Variants in AGBL4 observed in about 807,000 individuals in gnomAD.
AGBL4 encodes the protein AGBL carboxypeptidase 4.
AGBL4 carries 58 observed loss-of-function variants against 66.4 expected under a neutral mutation model. That is an observed-to-expected ratio of 0.87 (90% CI 0.71 to 1.09). The LOEUF is 1.09. Ranked by LOEUF, AGBL4 falls within the 50% of genes least tolerant of loss-of-function variation. The pLI is 0.00. For missense variants in AGBL4, 579 were observed against 631.0 expected (o/e 0.92, Z 0.88); for synonymous variants, 234 against 222.9 (o/e 1.05, Z -0.44).
At chr1:48,683,122 T>A (rs1262878187) in intron 6 of AGBL4, among the ~76,000 whole-genome samples, 1 of 152,218 alleles carries the variant, frequency 6.6e-6, no homozygotes, top group African/African-American at 2.4e-5. Flanking sequence ...AACTTCAGTT[T>A]CCTGCCTACA....
chr1:48,974,530 T>C (rs1362112951), intron 5 of AGBL4, among the ~76,000 whole-genome samples: 1 of 152,148 alleles, frequency 6.6e-6, no homozygotes, highest in African/African-American at 2.4e-5. Context: ...ATCCTAAATT[T>C]CATCCACAAA....
In AGBL4 at chr1:48,587,169, G is replaced by C; in HGVS notation, c.1105-3C>G. The C allele has an allele frequency of 1.9e-6, 3 of 1,549,928 alleles. No homozygotes were observed. The highest frequency in any genetic ancestry group is 2.6e-6 in the Non-Finnish European group (3 of 1,146,320). ...TCCCGGTTAAAGGATGTGCTGGACT[G>C]TGAAAGACAGAGTAGGGAGGAGAGA... On this transcript the variant is annotated splice_polypyrimidine_tract_variant and splice_region_variant and intron_variant, in intron 10 of 13. Transcript: ENST00000371839.
At chr1:49,870,684 A>G (rs1293912259) in intron 1 of AGBL4, among the ~76,000 whole-genome samples, 1 of 152,102 alleles carries the variant, frequency 6.6e-6, no homozygotes, top group Non-Finnish European at 1.5e-5. Context: ...AGATTTGAAT[A>G]AGTGTTTCTC....
At chr1:48,833,993 G>A (rs1646618460) in intron 6 of AGBL4, among the ~76,000 whole-genome samples, 1 of 152,072 alleles carries the variant, frequency 6.6e-6, no homozygotes, top group Non-Finnish European at 1.5e-5. Flanking sequence ...AGTACCTTAG[G>A]GGCAGAGCAT....
chr1:48,997,446 C>T (rs1433929104), intron 5 of AGBL4, among the ~76,000 whole-genome samples: 1 of 152,094 alleles, frequency 6.6e-6, no homozygotes, highest in Non-Finnish European at 1.5e-5. Flanking sequence ...GAGATAAAGT[C>T]ACTAGCTAAG....
chr1:49,421,977 G>GTTAC (rs1645556009), intron 3 of AGBL4, among the ~76,000 whole-genome samples: 1 of 152,112 alleles, frequency 6.6e-6, no homozygotes, highest in Non-Finnish European at 1.5e-5. Context: ...TCCAAGAAAT[G>GTTAC]TGTCTTTCAT....
intron 2 of AGBL4, among the ~76,000 whole-genome samples, chr1:49,748,821 G>A (rs545247332): frequency 1.2e-4 from 18 of 152,154 alleles, no homozygotes; most frequent in East Asian, 1.9e-4. Flanking sequence ...AGAAGTGTCC[G>A]TTCATATCCT....
chr1:49,130,152 G>A (rs1488867868), intron 4 of AGBL4, among the ~76,000 whole-genome samples: 1 of 152,076 alleles, frequency 6.6e-6, no homozygotes, highest in Non-Finnish European at 1.5e-5. Context: ...CCCACTTTTT[G>A]ATGGGGTTGT....
At chr1:49,051,325 G>A (rs1571328410) in intron 4 of AGBL4, among the ~76,000 whole-genome samples, 3 of 152,192 alleles carry the variant, frequency 2.0e-5, no homozygotes, top group Admixed American at 1.3e-4. Flanking sequence ...CTTGCTATCC[G>A]TTTGATGCAC....
At chr1:49,892,121 T>C (rs1648718127) in intron 1 of AGBL4, among the ~76,000 whole-genome samples, 1 of 152,182 alleles carries the variant, frequency 6.6e-6, no homozygotes, top group Admixed American at 6.5e-5. Context: ...CAGTCTCCTT[T>C]CCTGGAAGTT....
At chr1:49,932,152 G>C (rs1160604964) in intron 1 of AGBL4, among the ~76,000 whole-genome samples, 1 of 152,084 alleles carries the variant, frequency 6.6e-6, no homozygotes, top group African/African-American at 2.4e-5. Flanking sequence ...CATCAAGATA[G>C]GAAAATATAT....
chr1:49,193,100 T>G (rs1647154492), intron 4 of AGBL4, among the ~76,000 whole-genome samples: 1 of 152,234 alleles, frequency 6.6e-6, no homozygotes, highest in Non-Finnish European at 1.5e-5. Flanking sequence ...TTGTGTCTTC[T>G]CATTTTCTTG....
At chr1:48,928,781 A>G (rs1654798757) in intron 5 of AGBL4, among the ~76,000 whole-genome samples, 1 of 151,224 alleles carries the variant, frequency 6.6e-6, no homozygotes, top group Non-Finnish European at 1.5e-5. Context: ...AATAATAGAC[A>G]GCTCTTCCTC....
intron 4 of AGBL4, among the ~76,000 whole-genome samples, chr1:49,156,155 C>T (rs1423495527): frequency 2.0e-5 from 3 of 152,128 alleles, no homozygotes; most frequent in African/African-American, 7.2e-5. Flanking sequence ...CACACATTTC[C>T]TTTAACTCAA....
chr1:48,528,970 T>A (rs1379668687), downstream of AGBL4, among the ~76,000 whole-genome samples: 1 of 152,048 alleles, frequency 6.6e-6, no homozygotes, highest in Non-Finnish European at 1.5e-5. Flanking sequence ...TGTTCAACAC[T>A]GTCTTCCCAT....
intron 5 of AGBL4, among the ~76,000 whole-genome samples, chr1:48,976,400 C>A (rs1423353190): frequency 6.6e-6 from 1 of 152,114 alleles, no homozygotes; most frequent in East Asian, 1.9e-4. Flanking sequence ...CATTGACCAG[C>A]CAGTCACTTG....
At chr1:48,964,130 G>A (rs1262874195) in intron 5 of AGBL4, among the ~76,000 whole-genome samples, 3 of 152,180 alleles carry the variant, frequency 2.0e-5, no homozygotes, top group Non-Finnish European at 4.4e-5. Flanking sequence ...AAGCAAAAGA[G>A]TGACAGTTCT....
rs148289353 is a variant in AGBL4, at chr1:49,601,016, T to C, written c.282+96297A>G. Among the ~76,000 whole-genome samples the C allele has an allele frequency of 1.9e-3, 283 of 152,272 alleles. 5 individuals are homozygous for C. In the East Asian group the frequency reaches 0.052, roughly 28 times the overall value. ...GAGATCCACTGTTAGTCTGATGGGG[T>C]TCCTTTTTAGGTAACCTGACCTTTC... On this transcript the variant is annotated intron_variant, in intron 3 of 13. Coordinates refer to ENST00000371839, the MANE Select transcript of AGBL4 (RefSeq NM_032785.4).
At chr1:49,654,640 G>A (rs113510693) in intron 3 of AGBL4, among the ~76,000 whole-genome samples, 3 of 152,186 alleles carry the variant, frequency 2.0e-5, no homozygotes, top group African/African-American at 7.2e-5. Context: ...GGGATAGTTA[G>A]CTCTTCTTGT....
Sources: gnomAD v4.1 joint callset for allele counts (sites outside exome capture counted in the v4.1 genomes callset) on GRCh38, gnomAD v4.1.1 for gene constraint, MANE v1.5 for transcripts, NCBI Gene and HGNC (gene_info 2026-07-23, HGNC 2026-07-21) for gene names.